FAM118A: variants seen among roughly 807,000 people sequenced by gnomAD.
FAM118A encodes SIR2 antiphage like 2.
A neutral mutation model predicts 38.2 loss-of-function variants in FAM118A; 25 were observed. That is an observed-to-expected ratio of 0.65 (90% CI 0.48 to 0.91). FAM118A has a LOEUF of 0.91. FAM118A is among the 40% of genes least tolerant of loss of function. FAM118A has a pLI of 0.00. For synonymous variants in FAM118A, 178 were observed against 184.1 expected (o/e 0.97, Z 0.27); for missense variants, 425 against 463.3 (o/e 0.92, Z 0.76).
intron 3 of FAM118A, among the ~76,000 whole-genome samples, chr22:45,327,048 A>AT (rs2085326782): frequency 6.6e-6 from 1 of 150,616 alleles, no homozygotes; most frequent in East Asian, 2.0e-4. Context: ...AATGAAATAA[A>AT]ATAATATAAA....
In FAM118A at chr22:45,332,275, A is replaced by T. The variant is rs948731707; in HGVS notation, c.652-150A>T. ...TGGCCTGAGTGCCATGTCGGGAAGG[A>T]TACTGTCCTTCTAACTGTGCTCCTC... On this transcript the variant is annotated intron_variant, in intron 5 of 8. Transcript: ENST00000441876. The T allele has an allele frequency of 7.8e-6, 6 of 764,516 alleles. No homozygotes were observed. The African/African-American group carries it at 1.2e-4, about 15-fold the overall frequency. The allele number at this position is 764,516 out of a possible 1,614,324, so 47.4% of individuals were successfully genotyped here.
At chr22:45,322,229 G>A (rs1469390363) in intron 1 of FAM118A, 142 bp from the exon 2 acceptor site, 13 of 1,543,058 alleles carry the variant, frequency 8.4e-6, no homozygotes, top group Admixed American at 7.9e-5. Flanking sequence ...CGTCATTTGC[G>A]TATGACATTT....
intron 3 of FAM118A, 75 bp downstream of exon 3, chr22:45,323,502 TA>T: frequency 1.3e-6 from 2 of 1,552,694 alleles, no homozygotes; most frequent in Non-Finnish European, 1.7e-6. Context: ...AACCTAATGT[TA>T]AACTCTGCAG....
chr22:45,316,968 G>A (rs1299837076), intron 1 of FAM118A, among the ~76,000 whole-genome samples: 2 of 152,190 alleles, frequency 1.3e-5, no homozygotes, highest in Non-Finnish European at 2.9e-5. Flanking sequence ...TGTAGTTTGA[G>A]CTTATGTTTA....
At chr22:45,325,527 G>T (rs2085203066) in intron 3 of FAM118A, among the ~76,000 whole-genome samples, 1 of 152,122 alleles carries the variant, frequency 6.6e-6, no homozygotes, top group African/African-American at 2.4e-5. Context: ...AGTGGGGTCA[G>T]TAGCTCACGG....
intron 1 of FAM118A, chr22:45,322,160 A>T: frequency 6.7e-7 from 1 of 1,493,332 alleles, no homozygotes; most frequent in Non-Finnish European, 9.0e-7. Context: ...CGAGAGTCCA[A>T]CCAGCCTGAT....
chr22:45,312,656 A>C (rs1386949602), intron 1 of FAM118A, among the ~76,000 whole-genome samples: 1 of 152,212 alleles, frequency 6.6e-6, no homozygotes, highest in African/African-American at 2.4e-5. Flanking sequence ...CCTGGGAGAC[A>C]GAGCAAGACT....
intron 1 of FAM118A, chr22:45,321,458 C>T (rs912504508): frequency 2.0e-5 from 3 of 152,098 alleles, no homozygotes; most frequent in East Asian, 3.9e-4. Context: ...GTTGCCCAGG[C>T]TGGAGTGGAG....
At chr22:45,323,532 G>A in intron 3 of FAM118A, 105 bp downstream of exon 3, 1 of 1,438,486 alleles carries the variant, frequency 7.0e-7, no homozygotes, top group Non-Finnish European at 9.4e-7. Flanking sequence ...TGTGTTCAGT[G>A]CTCAGCAGAG....
chr22:45,313,688 A>G (rs533833316), intron 1 of FAM118A, among the ~76,000 whole-genome samples: 6 of 152,298 alleles, frequency 3.9e-5, no homozygotes, highest in Admixed American at 3.3e-4. Flanking sequence ...AGAAAAATCT[A>G]CAGGACTTGT....
Position 45,332,610 on chromosome 22 carries a change from T to C in FAM118A, c.837T>C (p.Leu279=), listed in dbSNP as rs1173027723. 6.2e-7 allele frequency: 1 copy of C among 1,614,226 alleles called. No homozygotes were observed. The highest frequency in any genetic ancestry group is 1.7e-5 in the Admixed American group (1 of 60,026). ...TCTTTAAGCATCAGGCAGATATGCT[T>C]CTGCACGGAATCAAAGTTGTATCCT... ...DHFFKHQADM[L]LHGIKVVSYG... The change falls in exon 6 of 9, where the codon CTT becomes CTC. Residue 279 remains leucine, a synonymous_variant. Coordinates refer to ENST00000441876, the MANE Select transcript of FAM118A (RefSeq NM_017911.4).
At chr22:45,334,016 C>T (rs2085913141) in intron 6 of FAM118A, among the ~76,000 whole-genome samples, 1 of 152,188 alleles carries the variant, frequency 6.6e-6, no homozygotes, top group South Asian at 2.1e-4. Context: ...TGTCCTATTA[C>T]TGCAGTTGAA....
Position 45,327,029 on chromosome 22 carries a change from A to G in FAM118A, c.301-813A>G, listed in dbSNP as rs2085324803. On this transcript the variant is annotated intron_variant, in intron 3 of 8. Coordinates refer to ENST00000441876, the MANE Select transcript of FAM118A (RefSeq NM_017911.4). ...ACTCTGTCTCAAAAAATAAAATAAT[A>G]AAATGAAAAATGAAATAAAATAATA... Among the ~76,000 whole-genome samples, 4 of 151,014 alleles carry G rather than the reference A, an allele frequency of 2.6e-5. No homozygotes were observed. The South Asian group carries it at 8.3e-4, about 31-fold the overall frequency.
chr22:45,311,615 G>A (rs2084368784), intron 1 of FAM118A, among the ~76,000 whole-genome samples: 1 of 152,154 alleles, frequency 6.6e-6, no homozygotes, highest in African/African-American at 2.4e-5. Context: ...GCTGAGTGGA[G>A]GGTTTGGTAC....
Position 45,322,318 on chromosome 22 carries a change from A to G in FAM118A, c.-9-53A>G, listed in dbSNP as rs2084926589. On this transcript the variant is annotated intron_variant, in intron 1 of 8. Transcript: ENST00000441876. ...CTTAACTATCTTCCAGGGTGCAAAT[A>G]AAAACTTTTACCTGGGAGACAGAAG... 6.9e-6 allele frequency: 11 copies of G among 1,588,940 alleles called. No homozygotes were observed. In the South Asian group the frequency reaches 1.3e-4, roughly 18 times the overall value.
rs1044744 is a variant in FAM118A at position 45,341,429 on chromosome 22, A to G, written c.*1024A>G. ...TTCGAGAGACCAGGTTTCAAACATT[A>G]TAAGTTCCAGGCTTTGCAAGTCTTT... is the stretch of plus-strand genomic sequence containing the variant. On this transcript the variant is annotated 3_prime_UTR_variant, in exon 9 of 9. Transcript: ENST00000441876. 0.47 allele frequency: 72,062 copies of G among 152,186 alleles called. 20,432 individuals are homozygous for G. The highest frequency in any genetic ancestry group is 0.8 in the African/African-American group (33,260 of 41,526). The allele number at this position is 152,186 out of a possible 1,614,324, so 9.4% of individuals were successfully genotyped here.
chr22:45,312,013 T>A (rs1185603696), intron 1 of FAM118A, among the ~76,000 whole-genome samples: 1 of 151,930 alleles, frequency 6.6e-6, no homozygotes, highest in East Asian at 1.9e-4. Flanking sequence ...AGAGGCTGAG[T>A]CTCAGAGGTG....
chr22:45,328,651 A>G, intron 4 of FAM118A: 4 of 567,028 alleles, frequency 7.1e-6, no homozygotes, highest in South Asian at 6.2e-5. Flanking sequence ...AAAAGTAATA[A>G]TGGAAAGTGG....
chr22:45,331,074 C>T (rs2085679559), intron 5 of FAM118A, among the ~76,000 whole-genome samples: 1 of 152,220 alleles, frequency 6.6e-6, no homozygotes, highest in Non-Finnish European at 1.5e-5. Context: ...CTCAGCATGA[C>T]ATATAGGCCC....
Sources: gnomAD v4.1 joint callset for allele counts (sites outside exome capture counted in the v4.1 genomes callset) on GRCh38, gnomAD v4.1.1 for gene constraint, MANE v1.5 for transcripts, NCBI Gene and HGNC (gene_info 2026-07-23, HGNC 2026-07-21) for gene names.